The following ZNF609 variants were observed in gnomAD, a reference collection of about 807,000 sequenced individuals.
ZNF609 encodes zinc finger protein 609.
ZNF609 carries 11 observed loss-of-function variants against 109.5 expected under a neutral mutation model. The observed-to-expected ratio is 0.10, with a 90% CI of 0.06 to 0.17. The LOEUF (loss-of-function observed/expected upper bound fraction) is 0.17. Among genes scored for constraint, ZNF609 ranks in the 10% least tolerant of loss-of-function variants. The pLI, the probability that ZNF609 is intolerant of heterozygous loss-of-function variation, is 1.00. For synonymous variants in ZNF609, 646 were observed against 662.0 expected (o/e 0.98, Z 0.37); for missense variants, 1,559 against 1,772.4 (o/e 0.88, Z 2.16).
chr15:64,475,180 T>C (rs994927330), intron 1 of ZNF609, among the ~76,000 whole-genome samples: 5 of 151,060 alleles, frequency 3.3e-5, no homozygotes, highest in Admixed American at 2.0e-4. Flanking sequence ...GGTTTTTTTT[T>C]CTCTTCTGTT....
chr15:64,672,928 C>T lies in ZNF609; in HGVS notation c.1062-988C>T, dbSNP rs184497431. Among the ~76,000 whole-genome samples the T allele has an allele frequency of 6.0e-5, 9 of 149,566 alleles. No homozygotes were observed. The East Asian group carries it at 7.8e-4, about 13-fold the overall frequency. The stretch of plus-strand genomic sequence containing the variant: ...ACAGTGAGCCGAGATCGTGCCACTG[C>T]GCTCCAGCCTGGCGACAGAGCAAGA... On this transcript the variant is annotated intron_variant, in intron 4 of 9. Coordinates refer to ENST00000326648, the MANE Select transcript of ZNF609 (RefSeq NM_015042.2).
At chr15:64,496,053 A>G (rs576954391) in intron 1 of ZNF609, among the ~76,000 whole-genome samples, 29 of 152,232 alleles carry the variant, frequency 1.9e-4, no homozygotes, top group African/African-American at 6.7e-4. Context: ...TCCTGACCTC[A>G]AGTGATCCTC....
intron 2 of ZNF609, among the ~76,000 whole-genome samples, chr15:64,556,690 T>C (rs1894594121): frequency 6.6e-6 from 1 of 152,236 alleles, no homozygotes; most frequent in South Asian, 2.1e-4. Context: ...AGTCTGTTTG[T>C]AATCTGTTAA....
At chr15:64,641,055 T>C (rs1046853464) in intron 3 of ZNF609, among the ~76,000 whole-genome samples, 4 of 152,244 alleles carry the variant, frequency 2.6e-5, no homozygotes, top group African/African-American at 9.6e-5. Context: ...CTGCCTATAG[T>C]TTTAGCAGTA....
intron 2 of ZNF609, chr15:64,528,581 G>T: frequency 1.6e-6 from 1 of 634,750 alleles, no homozygotes; most frequent in Non-Finnish European, 2.9e-6. Flanking sequence ...TCAGCTTGGT[G>T]GGGGACTGAT....
At chr15:64,660,706 T>C (rs1214871057) in intron 3 of ZNF609, among the ~76,000 whole-genome samples, 1 of 152,178 alleles carries the variant, frequency 6.6e-6, no homozygotes, top group Non-Finnish European at 1.5e-5. Context: ...CTATCCTCTT[T>C]GCTCTTCCGA....
At chr15:64,664,539 C>T (rs1896621468) in intron 3 of ZNF609, among the ~76,000 whole-genome samples, 1 of 152,164 alleles carries the variant, frequency 6.6e-6, no homozygotes, top group Non-Finnish European at 1.5e-5. Context: ...ACCAGTTTTT[C>T]TTTCTCTTCA....
intron 2 of ZNF609, among the ~76,000 whole-genome samples, chr15:64,615,446 T>C (rs73453022): frequency 0.032 from 4,929 of 151,986 alleles, 134 homozygotes; most frequent in African/African-American, 0.069. Context: ...TCTGTCTTGA[T>C]AACGTCTTAT....
chr15:64,552,779 G>C (rs1315741307), intron 2 of ZNF609, among the ~76,000 whole-genome samples: 1 of 152,082 alleles, frequency 6.6e-6, no homozygotes, highest in Non-Finnish European at 1.5e-5. Context: ...CTCCCAAGTA[G>C]CTGGGACTAC....
At chr15:64,648,768 AT>A (rs1567038963) in intron 3 of ZNF609, among the ~76,000 whole-genome samples, 3 of 150,398 alleles carry the variant, frequency 2.0e-5, no homozygotes, top group Non-Finnish European at 3.0e-5. Context: ...AAAAAAAAAA[AT>A]TAGGGAAAGC....
intron 2 of ZNF609, among the ~76,000 whole-genome samples, chr15:64,579,437 A>G (rs915583273): frequency 1.3e-5 from 2 of 151,106 alleles, no homozygotes; most frequent in East Asian, 1.9e-4. Flanking sequence ...AAGTAGCCAG[A>G]CCTACTGGCT....
At chr15:64,626,715 C>T (rs1595744085) in intron 3 of ZNF609, among the ~76,000 whole-genome samples, 1 of 152,162 alleles carries the variant, frequency 6.6e-6, no homozygotes, top group South Asian at 2.1e-4. Context: ...CTCTTCTCTC[C>T]CTATCACTCC....
At position 64,500,524 on chromosome 15, in the gene ZNF609, C is replaced by G. The variant is rs1405041162; in HGVS notation, c.747+358C>G. On this transcript the variant is annotated intron_variant, in intron 2 of 9. Coordinates refer to ENST00000326648, the MANE Select transcript of ZNF609 (RefSeq NM_015042.2). ...GACCTTTATTTGTTTCCCAGCTTGA[C>G]TGGCATTTCATCATCAGACTCATAA... 58 of 614,090 alleles carry G rather than the reference C, an allele frequency of 9.4e-5. No individual in the cohort carries two copies. The East Asian group carries it at 1.6e-3, about 16-fold the overall frequency. 38.0% of individuals were successfully genotyped at this position (614,090 alleles called of 1,614,324 possible).
chr15:64,609,155 CT>C (rs1012798928), intron 2 of ZNF609, among the ~76,000 whole-genome samples: 1 of 84,252 alleles, frequency 1.2e-5, no homozygotes. Context: ...TTTTCTCTCT[CT>C]CTCTTTCTTT....
At chr15:64,646,492 A>G (rs1212121316) in intron 3 of ZNF609, among the ~76,000 whole-genome samples, 2 of 149,790 alleles carry the variant, frequency 1.3e-5, no homozygotes, top group East Asian at 3.9e-4. Context: ...AAATTAGCCA[A>G]GTTTGGTGGC....
rs540685081 is a variant in ZNF609, at chr15:64,475,546, G to A, written c.-128+14708G>A. On this transcript the variant is annotated intron_variant, in intron 1 of 9. Coordinates refer to ENST00000326648, the MANE Select transcript of ZNF609 (RefSeq NM_015042.2). ...TGGGATTACAGTTGCCCGCCACCGCGCCTGGCTAATTTTTGTATTTTAGTA... is the reference window on the plus strand; with the variant it reads ...TGGGATTACAGTTGCCCGCCACCGCACCTGGCTAATTTTTGTATTTTAGTA... 8.6e-5 allele frequency among the ~76,000 whole-genome samples: 13 copies of A among 151,876 alleles called. No homozygotes were observed. The East Asian group carries it at 2.1e-3, about 25-fold the overall frequency.
At chr15:64,536,723 A>ACG (rs1894151215) in intron 2 of ZNF609, among the ~76,000 whole-genome samples, 1 of 125,454 alleles carries the variant, frequency 8.0e-6, no homozygotes, top group African/African-American at 3.2e-5. Context: ...CTAAAATTCC[A>ACG]CCCCCCCCCC....
intron 3 of ZNF609, among the ~76,000 whole-genome samples, chr15:64,651,711 C>T (rs992496852): frequency 1.3e-5 from 2 of 152,200 alleles, no homozygotes; most frequent in Admixed American, 6.5e-5. Flanking sequence ...AAAGAGAAAG[C>T]ATTATTGACA....
intron 2 of ZNF609, among the ~76,000 whole-genome samples, chr15:64,534,410 G>C (rs1894108876): frequency 6.6e-6 from 1 of 152,000 alleles, no homozygotes; most frequent in Admixed American, 6.6e-5. Context: ...CGCCTCCCGG[G>C]TTCAAGCGAT....
Sources: gnomAD v4.1 joint callset for allele counts (sites outside exome capture counted in the v4.1 genomes callset) on GRCh38, gnomAD v4.1.1 for gene constraint, MANE v1.5 for transcripts, NCBI Gene and HGNC (gene_info 2026-07-23, HGNC 2026-07-21) for gene names.